Variants in GATD1 observed in about 807,000 individuals in gnomAD.
The protein encoded by GATD1 is glutamine amidotransferase-like class 1 domain-containing protein 1.
Under a neutral mutation model 25.9 loss-of-function variants are expected in GATD1, and 23 were observed. That is an observed-to-expected ratio of 0.89 (90% CI 0.64 to 1.26). GATD1 has a LOEUF of 1.26. Ranked by LOEUF, GATD1 falls within the 50% of genes most tolerant of loss-of-function variation. The pLI, the probability that GATD1 is intolerant of heterozygous loss-of-function variation, is 0.00. For missense variants in GATD1, 347 were observed against 312.5 expected (o/e 1.11, Z -0.83); for synonymous variants, 177 against 134.6 (o/e 1.31, Z -2.18).
intron 4 of GATD1, among the ~76,000 whole-genome samples, chr11:772,893 C>G (rs1239504435): frequency 3.9e-5 from 6 of 152,224 alleles, no homozygotes; most frequent in African/African-American, 1.4e-4. Flanking sequence ...GGCCCCTCCC[C>G]GGCTAGACAG....
chr11:776,505 C>T (rs993156587), intron 1 of GATD1, among the ~76,000 whole-genome samples: 2 of 152,038 alleles, frequency 1.3e-5, no homozygotes, highest in African/African-American at 2.4e-5. Context: ...ACCCACCCCC[C>T]CAGGACTGAA....
At chr11:770,953 C>T (rs749298790) in intron 7 of GATD1, 40 bp downstream of exon 7, 17 of 1,613,666 alleles carry the variant, frequency 1.1e-5, no homozygotes, top group Admixed American at 1.7e-5. Context: ...CCGGGTGCAG[C>T]TCTGATGTGG....
At position 772,533 on chromosome 11, in the gene GATD1, A is replaced by C. The variant is rs776114284; in HGVS notation, c.356-12T>G. 1 of 1,607,976 alleles carries C rather than the reference A, an allele frequency of 6.2e-7. No homozygotes were observed. The highest frequency in any genetic ancestry group is 1.1e-5 in the South Asian group (1 of 91,082). The stretch of plus-strand genomic sequence containing the variant: ...GGCGCAGATGGGTTCTGAAAGCCGT[A>C]CATGGCGTTGAGGCCCTGGACCCCG... On this transcript the variant is annotated splice_polypyrimidine_tract_variant and intron_variant, in intron 4 of 7. Transcript: ENST00000319863.
In GATD1 at chr11:770,133, C is replaced by G; in HGVS notation, c.*764G>C. ...GGGGCAGCCCGCTGGAGGGCCACAG[C>G]CCAGGCCAGGTGCCCAGCAGGCTGG... On this transcript the variant is annotated 3_prime_UTR_variant, in exon 8 of 8. Transcript: ENST00000319863. 1 of 1,244,544 alleles carries G rather than the reference C, an allele frequency of 8.0e-7. No individual in the cohort carries two copies. The highest frequency in any genetic ancestry group is 3.9e-5 in the Admixed American group (1 of 25,512). The allele number at this position is 1,244,544 out of a possible 1,614,324, so 77.1% of individuals were successfully genotyped here.
At position 770,216 on chromosome 11, in the gene GATD1, GA is replaced by G. The variant is rs1454625715; in HGVS notation, c.*680del. 7.3e-7 allele frequency: 1 copy of G among 1,374,128 alleles called. No homozygotes were observed. Among genetic ancestry groups the G allele is most frequent in the Admixed American group, 2.9e-5 (1 of 34,780 alleles). The allele number at this position is 1,374,128 out of a possible 1,614,324, so 85.1% of individuals were successfully genotyped here. On this transcript the variant is annotated 3_prime_UTR_variant, in exon 8 of 8. Coordinates refer to ENST00000319863, the MANE Select transcript of GATD1 (RefSeq NM_182612.4). ...GAGGCCACTGTGCAAGGCCGTGGGG[GA>G]CAGCACTTTCCTATCATTGAGAATC...
rs149307991 is a variant in GATD1, at chr11:770,372, C to T, written c.*525G>A. Reference sequence around the variant, plus strand: ...ACAGGAAAGTGCTGCCAGTGCCGGTCGGCCTTGGGGCAGGAGGCTGCTGCT... The same window carrying T: ...ACAGGAAAGTGCTGCCAGTGCCGGTTGGCCTTGGGGCAGGAGGCTGCTGCT... On this transcript the variant is annotated 3_prime_UTR_variant, in exon 8 of 8. Coordinates refer to ENST00000319863, the MANE Select transcript of GATD1 (RefSeq NM_182612.4). 1.2e-5 allele frequency: 19 copies of T among 1,533,634 alleles called. No individual in the cohort carries two copies. The highest frequency in any genetic ancestry group is 2.7e-5 in the African/African-American group (2 of 73,026).
In GATD1 at chr11:770,759, A is replaced by C; in HGVS notation, c.*138T>G. ...TCAGAGCTGATTCCAGGAGGCCTCC[A>C]ACAATCCCATCAGGGCCAGACCAGG... On this transcript the variant is annotated 3_prime_UTR_variant, in exon 8 of 8. Coordinates refer to ENST00000319863, the MANE Select transcript of GATD1 (RefSeq NM_182612.4). The C allele has an allele frequency of 6.6e-7, 1 of 1,507,828 alleles. No homozygotes were observed. The highest frequency in any genetic ancestry group is 2.3e-5 in the East Asian group (1 of 43,956). 93.4% of individuals were successfully genotyped at this position (1,507,828 alleles called of 1,614,324 possible).
chr11:774,125 G>A lies in GATD1; in HGVS notation c.142-12C>T. 6.2e-7 allele frequency: 1 copy of A among 1,608,890 alleles called. No individual in the cohort carries two copies. Among genetic ancestry groups the A allele is most frequent in the Non-Finnish European group, 8.5e-7 (1 of 1,176,086 alleles). On this transcript the variant is annotated splice_polypyrimidine_tract_variant and intron_variant, in intron 2 of 7. Coordinates refer to ENST00000319863, the MANE Select transcript of GATD1 (RefSeq NM_182612.4). The stretch of plus-strand genomic sequence containing the variant: ...TCCATGGCTTTCCCCTGGAGAAGCA[G>A]AGCCCAGGGGCCGAGGGTCAGCACC...
chr11:772,319 G>A (rs529447588), intron 5 of GATD1, 108 bp downstream of exon 5: 6 of 737,092 alleles, frequency 8.1e-6, no homozygotes, highest in Admixed American at 3.9e-5. Flanking sequence ...GGAGCACAGC[G>A]TGCCTCGGCC....
chr11:776,314 T>C (rs948744210), intron 1 of GATD1, among the ~76,000 whole-genome samples: 2 of 152,130 alleles, frequency 1.3e-5, no homozygotes, highest in African/African-American at 4.8e-5. Flanking sequence ...ACATATTCAC[T>C]GTAAAATGTC....
Position 775,976 on chromosome 11 carries a change from CTTTTT to C in GATD1, c.65-839_65-835del, listed in dbSNP as rs71022972. ...CCTCAGCTTCATTTTTATCTTCATT[CTTTTT>C]TTTTTTTTTTTTTTTTTTTTGAGAC... On this transcript the variant is annotated intron_variant, in intron 1 of 7. Transcript: ENST00000319863. Among the ~76,000 whole-genome samples the C allele has an allele frequency of 2.9e-4, 21 of 72,288 alleles. No homozygotes were observed. The East Asian group carries it at 5.2e-3, about 18-fold the overall frequency. The allele number at this position is 72,288 out of a possible 152,430, so 47.4% of individuals were successfully genotyped here. A position where few individuals can be genotyped will look rare whatever the true frequency, so the allele number is the denominator to read the frequency against.
rs1245502043 is a variant in GATD1 at position 772,707 on chromosome 11, A to G, written c.356-186T>C. 8.2e-6 allele frequency: 5 copies of G among 608,632 alleles called. No homozygotes were observed. The Admixed American group carries it at 1.1e-4, about 13-fold the overall frequency. 37.7% of individuals were successfully genotyped at this position (608,632 alleles called of 1,614,324 possible). ...CTCAGCCCGCACAGCTGGCATCAGG[A>G]ATCTGCTCGGGGGAGCTGGTGCTTC... On this transcript the variant is annotated intron_variant, in intron 4 of 7. Coordinates refer to ENST00000319863, the MANE Select transcript of GATD1 (RefSeq NM_182612.4).
chr11:771,205 G>A, intron 6 of GATD1, 101 bp from the exon 7 acceptor site: 1 of 1,545,132 alleles, frequency 6.5e-7, no homozygotes, highest in Non-Finnish European at 8.7e-7. Context: ...AGGTCAGCCT[G>A]TCTGGGTCTG....
chr11:775,542 G>C (rs1182502080), intron 1 of GATD1, among the ~76,000 whole-genome samples: 1 of 152,212 alleles, frequency 6.6e-6, no homozygotes, highest in Non-Finnish European at 1.5e-5. Context: ...AGAGCCACGA[G>C]AGACCTTTCT....
chr11:773,464 C>T, intron 4 of GATD1, 58 bp downstream of exon 4: 1 of 1,395,440 alleles, frequency 7.2e-7, no homozygotes, highest in Non-Finnish European at 1.0e-6. Flanking sequence ...TGGTGGGAGA[C>T]CCATTTCTTG....
intron 1 of GATD1, 83 bp downstream of exon 1, chr11:777,316 G>A: frequency 1.9e-6 from 2 of 1,080,140 alleles, no homozygotes; most frequent in Non-Finnish European, 2.3e-6. Flanking sequence ...CGTGACGCGC[G>A]CCCACCGTGT....
At position 773,611 on chromosome 11, in the gene GATD1, A is replaced by G; in HGVS notation, c.266T>C (p.Leu89Pro). The change falls in exon 4 of 8, where the codon CTC (leucine) becomes CCC (proline). Residue 89 changes from leucine (L) to proline (P), a missense_variant. Physicochemically the swap from Leu to Pro is moderately conservative, Grantham distance 98 (BLOSUM62 -3). Transcript: ENST00000319863. ...GGCCCCAGGACAGCTGGGGATCAGG[A>G]GGGCATGGTACCGGGCACCTGGGGG... ...ESIDGARYHA[L>P]LIPSCPGALT... 6.2e-7 allele frequency: 1 copy of G among 1,608,514 alleles called. No homozygotes were observed. The highest frequency in any genetic ancestry group is 1.1e-5 in the South Asian group (1 of 90,536).
In GATD1 at chr11:771,107, G is replaced by A; in HGVS notation, c.545-3C>T. On this transcript the variant is annotated splice_region_variant and splice_polypyrimidine_tract_variant and intron_variant, in intron 6 of 7. Coordinates refer to ENST00000319863, the MANE Select transcript of GATD1 (RefSeq NM_182612.4). ...GTGGACAGCGTCAGGCTCGCTTGCTGGGGAGGACCGAGGGCACCAACCTCA... is the reference window on the plus strand; with the variant it reads ...GTGGACAGCGTCAGGCTCGCTTGCTAGGGAGGACCGAGGGCACCAACCTCA... 1.3e-6 allele frequency: 2 copies of A among 1,587,538 alleles called. No individual in the cohort carries two copies. Among genetic ancestry groups the A allele is most frequent in the Non-Finnish European group, 1.7e-6 (2 of 1,169,722 alleles).
At chr11:773,404 G>A (rs1863640947) in intron 4 of GATD1, 118 bp downstream of exon 4, 3 of 833,676 alleles carry the variant, frequency 3.6e-6, no homozygotes, top group Middle Eastern at 4.5e-4. Flanking sequence ...AGTGGCCACT[G>A]ACCAGAGATC....
Sources: gnomAD v4.1 joint callset for allele counts (sites outside exome capture counted in the v4.1 genomes callset) on GRCh38, gnomAD v4.1.1 for gene constraint, MANE v1.5 for transcripts, NCBI Gene and HGNC (gene_info 2026-07-23, HGNC 2026-07-21) for gene names.